Variants in FAM110B observed in about 807,000 individuals in gnomAD.
FAM110B encodes the protein protein FAM110B.
In FAM110B, 6 loss-of-function variants were observed where a neutral mutation model predicts 20.4. The observed-to-expected ratio is 0.29, with a 90% CI of 0.16 to 0.58. The LOEUF is 0.58. Ranked by LOEUF, FAM110B falls within the 20% of genes least tolerant of loss-of-function variation. The pLI, the probability that FAM110B is intolerant of heterozygous loss-of-function variation, is 0.90. For missense variants in FAM110B, 434 were observed against 498.2 expected (o/e 0.87, Z 1.23); for synonymous variants, 226 against 214.1 (o/e 1.06, Z -0.49).
At chr8:58,002,239 CAGTAGACCAATCA>C (rs1804312920) in intron 1 of FAM110B, among the ~76,000 whole-genome samples, 1 of 152,164 alleles carries the variant, frequency 6.6e-6, no homozygotes, top group South Asian at 2.1e-4. Context: ...CTGGGCACCC[CAGTAGACCAATCA>C]AGTAGACACA....
intron 2 of FAM110B, among the ~76,000 whole-genome samples, chr8:58,072,396 T>A (rs2150591291): frequency 6.6e-6 from 1 of 152,314 alleles, no homozygotes; most frequent in East Asian, 1.9e-4. Flanking sequence ...TGTATCTGTG[T>A]ACTGTGTAAT....
chr8:58,062,746 T>G (rs1805682978), intron 2 of FAM110B, among the ~76,000 whole-genome samples: 1 of 152,240 alleles, frequency 6.6e-6, no homozygotes, highest in African/African-American at 2.4e-5. Flanking sequence ...CTAATGTTTC[T>G]AACTTTATAT....
At chr8:58,115,057 A>C (rs903533631) in intron 3 of FAM110B, among the ~76,000 whole-genome samples, 1 of 151,518 alleles carries the variant, frequency 6.6e-6, no homozygotes, top group Non-Finnish European at 1.5e-5. Context: ...AATTCTAGGC[A>C]AATCGACTTT....
chr8:58,130,366 T>C (rs1260199609), intron 3 of FAM110B, among the ~76,000 whole-genome samples: 1 of 152,216 alleles, frequency 6.6e-6, no homozygotes, highest in Non-Finnish European at 1.5e-5. Context: ...ATGGCACAGC[T>C]AAGGAACCTA....
chr8:58,003,298 A>T lies in FAM110B; in HGVS notation c.-512+8492A>T, dbSNP rs1029480465. ...CCACCGGATCTGCAATTACTCCTCC[A>T]TGGGAGTCTTGAACCTCTCAAAGTC... On this transcript the variant is annotated intron_variant, in intron 1 of 3. Coordinates refer to ENST00000519262, the MANE Select transcript of FAM110B (RefSeq NM_001377989.1). 3.3e-5 allele frequency among the ~76,000 whole-genome samples: 5 copies of T among 152,280 alleles called. No homozygotes were observed. The East Asian group carries it at 9.6e-4, about 29-fold the overall frequency.
chr8:58,041,155 G>A (rs1434174362), intron 2 of FAM110B, among the ~76,000 whole-genome samples: 1 of 151,952 alleles, frequency 6.6e-6, no homozygotes, highest in East Asian at 1.9e-4. Flanking sequence ...TGGCCAGGCT[G>A]GTCTTGAACT....
intron 3 of FAM110B, among the ~76,000 whole-genome samples, chr8:58,091,258 C>A (rs1806470126): frequency 6.6e-6 from 1 of 152,210 alleles, no homozygotes; most frequent in African/African-American, 2.4e-5. Context: ...GAAATAGGCT[C>A]AGTGAAGACT....
chr8:58,110,831 G>C (rs2150618871), intron 3 of FAM110B, among the ~76,000 whole-genome samples: 1 of 152,212 alleles, frequency 6.6e-6, no homozygotes, highest in Non-Finnish European at 1.5e-5. Context: ...ACTTCAAGGA[G>C]AGACACAGAA....
chr8:58,017,743 T>C (rs903411215), intron 1 of FAM110B, among the ~76,000 whole-genome samples: 6 of 152,188 alleles, frequency 3.9e-5, no homozygotes, highest in East Asian at 1.9e-4. Context: ...CAACACACAA[T>C]TGGATTTTTG....
At chr8:58,120,115 T>C (rs1372284855) in intron 3 of FAM110B, among the ~76,000 whole-genome samples, 4 of 152,206 alleles carry the variant, frequency 2.6e-5, no homozygotes, top group Admixed American at 2.0e-4. Flanking sequence ...TGAGGAAATA[T>C]GAACCACATG....
intron 2 of FAM110B, among the ~76,000 whole-genome samples, chr8:58,047,159 G>T (rs1473122777): frequency 1.3e-5 from 2 of 152,176 alleles, no homozygotes; most frequent in Non-Finnish European, 2.9e-5. Flanking sequence ...TCAGTACACT[G>T]CTTTCCTATG....
At chr8:58,001,138 C>T (rs1327287675) in intron 1 of FAM110B, among the ~76,000 whole-genome samples, 1 of 152,098 alleles carries the variant, frequency 6.6e-6, no homozygotes, top group African/African-American at 2.4e-5. Context: ...AACTTAGTTC[C>T]TTAATTTAAT....
At chr8:58,122,254 C>A (rs539186839) in intron 3 of FAM110B, among the ~76,000 whole-genome samples, 1 of 152,280 alleles carries the variant, frequency 6.6e-6, no homozygotes, top group Non-Finnish European at 1.5e-5. Flanking sequence ...AAGATCCTCT[C>A]TTTGTCTCTG....
At chr8:58,099,143 G>T (rs1277642539) in intron 3 of FAM110B, 1 of 152,122 alleles carries the variant, frequency 6.6e-6, no homozygotes, top group East Asian at 1.9e-4. Flanking sequence ...AATACCTCAA[G>T]GGATGTAGAC....
intron 3 of FAM110B, among the ~76,000 whole-genome samples, chr8:58,109,856 G>A (rs1178387492): frequency 1.3e-5 from 2 of 152,194 alleles, no homozygotes; most frequent in African/African-American, 4.8e-5. Flanking sequence ...GCCCTTTTAT[G>A]CAACTGATTT....
intron 1 of FAM110B, among the ~76,000 whole-genome samples, chr8:58,024,509 T>C (rs1027665600): frequency 1.3e-5 from 2 of 152,228 alleles, no homozygotes; most frequent in East Asian, 3.9e-4. Context: ...TTGACATACA[T>C]TCCTCCAAAG....
intron 3 of FAM110B, among the ~76,000 whole-genome samples, chr8:58,079,648 G>A (rs1806139478): frequency 6.6e-6 from 1 of 152,082 alleles, no homozygotes; most frequent in Non-Finnish European, 1.5e-5. Flanking sequence ...AGGTGTTGTG[G>A]CATGCGCCTG....
intron 3 of FAM110B, among the ~76,000 whole-genome samples, chr8:58,115,036 G>A (rs968833615): frequency 1.3e-5 from 2 of 148,338 alleles, no homozygotes; most frequent in South Asian, 2.2e-4. Flanking sequence ...ATTAGTAGTT[G>A]GATCACTGTA....
At chr8:58,086,586 TGGC>T (rs1421290693) in intron 3 of FAM110B, among the ~76,000 whole-genome samples, 6 of 152,218 alleles carry the variant, frequency 3.9e-5, no homozygotes, top group African/African-American at 1.4e-4. Context: ...ACCTCTTTAT[TGGC>T]ACTTAACGTT....
Sources: gnomAD v4.1 joint callset for allele counts (sites outside exome capture counted in the v4.1 genomes callset) on GRCh38, gnomAD v4.1.1 for gene constraint, MANE v1.5 for transcripts, NCBI Gene and HGNC (gene_info 2026-07-23, HGNC 2026-07-21) for gene names.